TENM1: variants seen among roughly 807,000 people sequenced by gnomAD.
TENM1 encodes teneurin-1.
A neutral mutation model predicts 174.8 loss-of-function variants in TENM1; 35 were observed. The observed-to-expected ratio is 0.20, with a 90% CI of 0.15 to 0.27. The LOEUF (loss-of-function observed/expected upper bound fraction) is 0.27, where lower values mean the gene tolerates loss of function less well. Ranked by LOEUF, TENM1 falls within the 10% of genes least tolerant of loss-of-function variation. TENM1 has a pLI of 1.00. For missense variants in TENM1, 1,633 were observed against 2,130.1 expected (o/e 0.77, Z 4.59); for synonymous variants, 781 against 798.7 (o/e 0.98, Z 0.37).
chrX:124,494,672 C>G (rs1485584679), intron 20 of TENM1, among the ~76,000 whole-genome samples: 15 of 106,092 alleles, frequency 1.4e-4, no homozygotes, highest in Non-Finnish European at 2.9e-4. Flanking sequence ...CTTCCCCCAC[C>G]CCACAACAGT....
the TENM1 span, among the ~76,000 whole-genome samples, chrX:125,123,424 A>AAAAATAAAATAAAAT: frequency 1.5e-3 from 143 of 95,000 alleles, no homozygotes; most frequent in African/African-American, 5.1e-3. Flanking sequence ...ATCTCTACAA[A>AAAAATAAAATAAAAT]AAAATAAAAT....
At chrX:124,681,798 G>A (rs1277506939) in intron 5 of TENM1, among the ~76,000 whole-genome samples, 1 of 111,749 alleles carries the variant, frequency 8.9e-6, no homozygotes, top group East Asian at 2.8e-4. Flanking sequence ...CACTAAATGA[G>A]TCAGTATATG....
chrX:124,457,301 GA>G (rs1410057569), intron 22 of TENM1, among the ~76,000 whole-genome samples: 6 of 112,059 alleles, frequency 5.4e-5, no homozygotes, highest in Non-Finnish European at 1.1e-4. Flanking sequence ...CTGGAAGTGT[GA>G]ATGGTGCTGT....
At chrX:124,903,869 T>C (rs932155604) in intron 1 of TENM1, among the ~76,000 whole-genome samples, 2 of 111,847 alleles carry the variant, frequency 1.8e-5, no homozygotes, top group Admixed American at 1.9e-4. Flanking sequence ...TCAGGGCTAC[T>C]GAACACTGAA....
chrX:124,953,273 T>A (rs929458116), intron 1 of TENM1, among the ~76,000 whole-genome samples: 1 of 112,233 alleles, frequency 8.9e-6, no homozygotes, highest in Non-Finnish European at 1.9e-5. Context: ...AGAAGCAGCA[T>A]GTAATTTGGA....
the TENM1 span, among the ~76,000 whole-genome samples, chrX:125,154,895 G>A: frequency 1.8e-5 from 2 of 111,234 alleles, no homozygotes; most frequent in Non-Finnish European, 3.8e-5. Flanking sequence ...GCAGACCTTC[G>A]CAGTGAGTGT....
intron 3 of TENM1, among the ~76,000 whole-genome samples, chrX:124,764,588 G>T (rs2054497428): frequency 9.1e-6 from 1 of 109,857 alleles, no homozygotes; most frequent in African/African-American, 3.3e-5. Context: ...AGATAAGCTT[G>T]TCAATGGAGT....
At chrX:124,400,350 C>A (rs1041562093) in intron 27 of TENM1, among the ~76,000 whole-genome samples, 7 of 111,552 alleles carry the variant, frequency 6.3e-5, no homozygotes, top group Admixed American at 1.9e-4. Context: ...ACCAATTCCC[C>A]ATCATTTGTC....
At chrX:124,675,259 T>C (rs1038314695) in intron 5 of TENM1, among the ~76,000 whole-genome samples, 4 of 111,887 alleles carry the variant, frequency 3.6e-5, no homozygotes, top group African/African-American at 1.3e-4. Context: ...GCAAGGCTAC[T>C]GGCCTTTTAT....
chrX:124,602,102 G>A (rs1018020176), intron 11 of TENM1, among the ~76,000 whole-genome samples: 4 of 110,566 alleles, frequency 3.6e-5, no homozygotes, highest in Non-Finnish European at 7.6e-5. Context: ...TTTGAAGTGC[G>A]GTACATAATT....
At chrX:124,647,874 C>A (rs974940595) in intron 8 of TENM1, among the ~76,000 whole-genome samples, 5 of 110,978 alleles carry the variant, frequency 4.5e-5, no homozygotes, top group African/African-American at 1.3e-4. Context: ...TCTTGTGTAC[C>A]ATTTTTTCCC....
chrX:124,823,958 T>A (rs762890815), intron 3 of TENM1, among the ~76,000 whole-genome samples: 112 of 111,683 alleles, frequency 1.0e-3, no homozygotes, highest in Middle Eastern at 4.7e-3. Flanking sequence ...TAACATATCA[T>A]GAAAAACACC....
intron 19 of TENM1, among the ~76,000 whole-genome samples, chrX:124,498,261 T>G (rs1382055169): frequency 9.0e-6 from 1 of 111,317 alleles, no homozygotes; most frequent in Non-Finnish European, 1.9e-5. Context: ...TTGAAACCAG[T>G]TCTTTCTCCC....
chrX:125,002,860 CA>C, the TENM1 span, among the ~76,000 whole-genome samples: 1 of 111,732 alleles, frequency 8.9e-6, no homozygotes, highest in South Asian at 3.7e-4. Flanking sequence ...CTTTACAAAC[CA>C]AGGGTCTCCT....
At chrX:125,187,116 C>A in the TENM1 span, among the ~76,000 whole-genome samples, 1 of 111,718 alleles carries the variant, frequency 9.0e-6, no homozygotes, top group South Asian at 3.7e-4. Context: ...CAAAAATTAG[C>A]CAGGCATGGT....
chrX:125,100,751 G>A, the TENM1 span, among the ~76,000 whole-genome samples: 1 of 111,655 alleles, frequency 9.0e-6, no homozygotes, highest in Non-Finnish European at 1.9e-5. Flanking sequence ...TTTCTTATAG[G>A]ATGATGTTTT....
intron 5 of TENM1, among the ~76,000 whole-genome samples, chrX:124,685,561 G>GTTTGTTTTTTTT (rs1361404893): frequency 7.6e-4 from 72 of 94,477 alleles, no homozygotes; most frequent in African/African-American, 2.8e-3. Context: ...AAGCAAATCT[G>GTTTGTTTTTTTT]TTTTTTTTTT....
the TENM1 span, among the ~76,000 whole-genome samples, chrX:124,993,952 T>G: frequency 9.1e-6 from 1 of 110,355 alleles, no homozygotes; most frequent in Admixed American, 9.7e-5. Context: ...GGAGGCAACA[T>G]CAGCAATAAC....
At chrX:125,002,484 G>C in the TENM1 span, among the ~76,000 whole-genome samples, 2 of 110,838 alleles carry the variant, frequency 1.8e-5, no homozygotes, top group Non-Finnish European at 3.8e-5. Context: ...TTCTCTCCCT[G>C]TGAGTTATCT....
Sources: allele counts gnomAD v4.1 joint callset (sites outside exome capture counted in the v4.1 genomes callset), GRCh38; gene constraint gnomAD v4.1.1; transcripts MANE v1.5; gene names NCBI Gene and HGNC (gene_info 2026-07-23, HGNC 2026-07-21).